Variants in SGCZ observed in about 807,000 individuals in gnomAD.
SGCZ encodes the protein zeta-sarcoglycan.
Under a neutral mutation model 41.3 loss-of-function variants are expected in SGCZ, and 40 were observed. That is an observed-to-expected ratio of 0.97 (90% CI 0.75 to 1.26). The LOEUF is 1.26. Ranked by LOEUF, SGCZ falls within the 50% of genes most tolerant of loss-of-function variation. SGCZ has a pLI of 0.00. For missense variants in SGCZ, 552 were observed against 369.8 expected (o/e 1.49, Z -4.04); for synonymous variants, 206 against 137.5 (o/e 1.50, Z -3.49).
chr8:14,991,216 T>C (rs957042044), intron 1 of SGCZ, among the ~76,000 whole-genome samples: 5 of 152,118 alleles, frequency 3.3e-5, no homozygotes, highest in Non-Finnish European at 5.9e-5. Context: ...GCATTCTCAT[T>C]CTGGGGAAGG....
At chr8:14,608,463 G>A (rs1805824115) in intron 1 of SGCZ, among the ~76,000 whole-genome samples, 1 of 151,998 alleles carries the variant, frequency 6.6e-6, no homozygotes, top group Non-Finnish European at 1.5e-5. Flanking sequence ...GGGGGCAGAT[G>A]TGTCATATGG....
At chr8:14,841,868 G>A (rs1244698411) in intron 1 of SGCZ, among the ~76,000 whole-genome samples, 1 of 152,088 alleles carries the variant, frequency 6.6e-6, no homozygotes, top group Admixed American at 6.5e-5. Context: ...AATGAATGAG[G>A]ACAAGATGAG....
chr8:15,062,064 A>T (rs1368926686), intron 1 of SGCZ, among the ~76,000 whole-genome samples: 1 of 152,184 alleles, frequency 6.6e-6, no homozygotes, highest in Admixed American at 6.5e-5. Flanking sequence ...CTACTCTTCA[A>T]CTTTAGTTGA....
At chr8:14,645,529 T>C (rs2117441539) in intron 1 of SGCZ, among the ~76,000 whole-genome samples, 1 of 144,998 alleles carries the variant, frequency 6.9e-6, no homozygotes, top group Non-Finnish European at 1.5e-5. Flanking sequence ...ATTATGTTTA[T>C]TTTAAAAATG....
At chr8:15,094,854 C>A (rs1333849477) in intron 1 of SGCZ, among the ~76,000 whole-genome samples, 1 of 152,108 alleles carries the variant, frequency 6.6e-6, no homozygotes, top group Admixed American at 6.6e-5. Context: ...TCAAGAGGTA[C>A]CTTCTGTCAT....
intron 3 of SGCZ, among the ~76,000 whole-genome samples, chr8:14,277,692 G>A (rs1275793586): frequency 7.9e-5 from 12 of 152,128 alleles, no homozygotes; most frequent in Admixed American, 7.9e-4. Flanking sequence ...TTGAATTAAA[G>A]TAAATTGGCA....
At chr8:14,752,362 C>G (rs577500917) in intron 1 of SGCZ, among the ~76,000 whole-genome samples, 30 of 152,318 alleles carry the variant, frequency 2.0e-4, no homozygotes, top group African/African-American at 7.2e-4. Flanking sequence ...GATCACATCT[C>G]TGCAAAGCCA....
chr8:15,109,813 C>A (rs1166542217), intron 1 of SGCZ, among the ~76,000 whole-genome samples: 3 of 152,022 alleles, frequency 2.0e-5, no homozygotes, highest in Non-Finnish European at 4.4e-5. Flanking sequence ...GGTGACATTG[C>A]AGAAATAGAT....
chr8:15,002,868 C>G (rs1802476822), intron 1 of SGCZ, among the ~76,000 whole-genome samples: 1 of 152,080 alleles, frequency 6.6e-6, no homozygotes, highest in South Asian at 2.1e-4. Flanking sequence ...TCCCACATGC[C>G]ATAGGAGGGA....
At chr8:14,845,582 G>A (rs1003923543) in intron 1 of SGCZ, among the ~76,000 whole-genome samples, 4 of 152,066 alleles carry the variant, frequency 2.6e-5, no homozygotes, top group East Asian at 3.9e-4. Context: ...ACAGAAACAC[G>A]AATACAGTCA....
At chr8:14,676,702 C>A (rs939145098) in intron 1 of SGCZ, among the ~76,000 whole-genome samples, 1 of 152,036 alleles carries the variant, frequency 6.6e-6, no homozygotes, top group Non-Finnish European at 1.5e-5. Context: ...GGATAAAAAT[C>A]AACTAATAAA....
intron 1 of SGCZ, among the ~76,000 whole-genome samples, chr8:14,734,358 C>T (rs57852034): frequency 0.18 from 27,685 of 151,976 alleles, 2,890 homozygotes; most frequent in East Asian, 0.29. Context: ...ACTACAGCAA[C>T]AAGAAATCAG....
intron 4 of SGCZ, among the ~76,000 whole-genome samples, chr8:14,233,549 A>C (rs970855326): frequency 1.3e-5 from 2 of 148,816 alleles, no homozygotes; most frequent in African/African-American, 4.9e-5. Flanking sequence ...AAACTGCATA[A>C]TACTTTATTT....
chr8:14,093,282 T>G (rs1414915667), intron 7 of SGCZ, among the ~76,000 whole-genome samples: 4 of 152,068 alleles, frequency 2.6e-5, no homozygotes, highest in Non-Finnish European at 4.4e-5. Context: ...ATTTTTGTCC[T>G]CCTGTCATTG....
intron 1 of SGCZ, among the ~76,000 whole-genome samples, chr8:15,180,583 A>T (rs1800141823): frequency 7.9e-6 from 1 of 126,230 alleles, no homozygotes; most frequent in African/African-American, 2.9e-5. Context: ...AGAACAAGTT[A>T]AAAAAAAAAA....
intron 1 of SGCZ, among the ~76,000 whole-genome samples, chr8:15,131,273 G>A (rs1585595329): frequency 6.6e-6 from 1 of 152,262 alleles, no homozygotes; most frequent in South Asian, 2.1e-4. Context: ...CTCCCATACT[G>A]TTCTCATGGT....
chr8:14,392,466 G>C (rs1223408168), intron 2 of SGCZ, among the ~76,000 whole-genome samples: 2 of 152,146 alleles, frequency 1.3e-5, no homozygotes, highest in Non-Finnish European at 2.9e-5. Flanking sequence ...ATTAAGACAA[G>C]AGTAGAAATA....
At chr8:14,935,326 T>C (rs1404516555) in intron 1 of SGCZ, among the ~76,000 whole-genome samples, 1 of 151,836 alleles carries the variant, frequency 6.6e-6, no homozygotes, top group Non-Finnish European at 1.5e-5. Flanking sequence ...TTCTTCCATG[T>C]TGACATACAT....
intron 1 of SGCZ, among the ~76,000 whole-genome samples, chr8:15,044,446 T>C (rs941190283): frequency 1.3e-5 from 2 of 152,146 alleles, no homozygotes; most frequent in African/African-American, 4.8e-5. Flanking sequence ...TGCCTTTTGG[T>C]GAAAATATTT....
Sources: gnomAD v4.1 joint callset for allele counts (sites outside exome capture counted in the v4.1 genomes callset) on GRCh38, gnomAD v4.1.1 for gene constraint, MANE v1.5 for transcripts, NCBI Gene and HGNC (gene_info 2026-07-23, HGNC 2026-07-21) for gene names.